Variants in DSC2 observed in about 807,000 individuals in gnomAD.
DSC2 encodes desmocollin-2.
DSC2 carries 51 observed loss-of-function variants against 87.6 expected under a neutral mutation model. The ratio of observed to expected loss-of-function variants is 0.58; its 90% CI spans 0.46 to 0.74. The LOEUF is 0.74. DSC2 is among the 30% of genes least tolerant of loss of function. The probability of loss-of-function intolerance (pLI) is 0.00; values close to 1 mark genes in which losing one functional copy is unlikely to be tolerated. For missense variants in DSC2, 1,066 were observed against 1,089.5 expected (o/e 0.98, Z 0.30); for synonymous variants, 383 against 393.2 (o/e 0.97, Z 0.31).
intron 1 of DSC2, among the ~76,000 whole-genome samples, chr18:31,099,442 T>C (rs1987863893): frequency 6.6e-6 from 1 of 152,206 alleles, no homozygotes; most frequent in Non-Finnish European, 1.5e-5. Context: ...GACATTGTGC[T>C]TATAATTAAC....
intron 14 of DSC2, among the ~76,000 whole-genome samples, chr18:31,069,717 A>G (rs1986763301): frequency 6.7e-6 from 1 of 150,274 alleles, no homozygotes; most frequent in East Asian, 1.9e-4. Context: ...CTTGTCTCAA[A>G]AAAAAAAAAA....
chr18:31,077,772 T>G (rs566818351), intron 11 of DSC2, among the ~76,000 whole-genome samples: 93 of 152,298 alleles, frequency 6.1e-4, no homozygotes, highest in East Asian at 3.9e-4. Flanking sequence ...ATGCTTTATG[T>G]GCATGATGCT....
intron 3 of DSC2, 91 bp from the exon 4 acceptor site, chr18:31,091,238 G>T: frequency 6.6e-7 from 1 of 1,524,332 alleles, no homozygotes; most frequent in South Asian, 1.2e-5. Context: ...CTCTCAGGAG[G>T]ATTAGCTGGG....
chr18:31,098,074 A>G (rs1313387261), intron 1 of DSC2, among the ~76,000 whole-genome samples: 1 of 151,944 alleles, frequency 6.6e-6, no homozygotes, highest in Admixed American at 6.6e-5. Context: ...TTTATCAATC[A>G]CCTTTTGACT....
Position 31,079,883 on chromosome 18 carries a change from C to T in DSC2, c.1627G>A (p.Gly543Ser), listed in dbSNP as rs1418248949. The T allele has an allele frequency of 1.2e-6, 2 of 1,613,820 alleles. No homozygotes were observed. Among genetic ancestry groups the T allele is most frequent in the Admixed American group, 3.3e-5 (2 of 59,976 alleles). ...GCAAGGACTGTAATATTATATATGC[C>T]ATTTTTGATGGTCTCTGCCTCTCTA... Reference protein sequence around the residue: ...LDREAETIKNGIYNITVLASD... With the variant: ...LDREAETIKNSIYNITVLASD... Residue 543 changes from glycine to serine, a missense_variant, in exon 11 of 16, where the codon GGC (glycine) becomes AGC (serine). Transcript: ENST00000280904.
At position 31,064,644 on chromosome 18, in the gene DSC2, AACAGGGGGCTC is replaced by A. The variant is rs1443056378; in HGVS notation, c.*3360_*3370del. On this transcript the variant is annotated 3_prime_UTR_variant, in exon 16 of 16. Coordinates refer to ENST00000280904, the MANE Select transcript of DSC2 (RefSeq NM_024422.6). ...TTGCATGAGTTTGAAGTGCTAGGTT[AACAGGGGGCTC>A]GCAGGGGAGCTGATATAAGAGCTGT... is the stretch of plus-strand genomic sequence containing the variant. 3 of 152,212 alleles carry A rather than the reference AACAGGGGGCTC, an allele frequency of 2.0e-5. No homozygotes were observed. Among genetic ancestry groups the A allele is most frequent in the Non-Finnish European group, 2.9e-5 (2 of 68,074 alleles). 9.4% of individuals were successfully genotyped at this position (152,212 alleles called of 1,614,324 possible). A position where few individuals can be genotyped will look rare whatever the true frequency, so the allele number is the denominator to read the frequency against.
chr18:31,068,582 G>C (rs530930752), intron 15 of DSC2, among the ~76,000 whole-genome samples: 53 of 152,180 alleles, frequency 3.5e-4, no homozygotes, highest in African/African-American at 1.3e-3. Context: ...TGCTGGTCTT[G>C]CTGGTACCAC....
chr18:31,085,865 A>T (rs1281757343), intron 7 of DSC2, among the ~76,000 whole-genome samples: 2 of 152,102 alleles, frequency 1.3e-5, no homozygotes, highest in Non-Finnish European at 2.9e-5. Flanking sequence ...TAGTTGAATA[A>T]CTAAGTGAAT....
At chr18:31,087,372 T>C (rs943230568) in intron 6 of DSC2, among the ~76,000 whole-genome samples, 16 of 152,308 alleles carry the variant, frequency 1.1e-4, no homozygotes, top group African/African-American at 3.1e-4. Flanking sequence ...CAGCATAACA[T>C]TTATTAACTC....
chr18:31,065,124 C>T lies in DSC2; in HGVS notation c.*2891G>A, dbSNP rs1323547379. 2.6e-5 allele frequency: 4 copies of T among 152,126 alleles called. No homozygotes were observed. Among genetic ancestry groups the T allele is most frequent in the Admixed American group, 2.0e-4 (3 of 15,262 alleles). The allele number at this position is 152,126 out of a possible 1,614,324, so 9.4% of individuals were successfully genotyped here. ...GCATCAAGATTTATCACACTGACTTCTGGCTAGGGATGAATAAGATGTAAC... is the reference window on the plus strand; with the variant it reads ...GCATCAAGATTTATCACACTGACTTTTGGCTAGGGATGAATAAGATGTAAC... On this transcript the variant is annotated 3_prime_UTR_variant, in exon 16 of 16. Coordinates refer to ENST00000280904, the MANE Select transcript of DSC2 (RefSeq NM_024422.6).
In DSC2 at chr18:31,080,342, T is replaced by C; in HGVS notation, c.1274A>G (p.Tyr425Cys). The C allele has an allele frequency of 1.2e-6, 2 of 1,613,936 alleles. No homozygotes were observed. Among genetic ancestry groups the C allele is most frequent in the Non-Finnish European group, 1.7e-6 (2 of 1,179,898 alleles). ...GVLCVVKPLN[Y>C]EEKQQMILQI... ...CAAGATCATCTGTTGCTTTTCTTCA[T>C]AATTCAAAGGCTACGAAAGCAAATG... is the stretch of plus-strand genomic sequence containing the variant. Residue 425 changes from tyrosine (Y) to cysteine (C), a missense_variant, in exon 10 of 16, where the codon TAT becomes TGT. Transcript: ENST00000280904.
chr18:31,068,844 A>C, intron 15 of DSC2, 50 bp downstream of exon 15: 1 of 1,605,134 alleles, frequency 6.2e-7, no homozygotes, highest in Non-Finnish European at 8.5e-7. Flanking sequence ...GTTATTTATA[A>C]AGTTTAAAGA....
At chr18:31,097,918 G>T (rs569142244) in intron 1 of DSC2, among the ~76,000 whole-genome samples, 3 of 149,000 alleles carry the variant, frequency 2.0e-5, no homozygotes, top group South Asian at 2.1e-4. Flanking sequence ...TTATGAGTGA[G>T]GTTGACATAT....
At chr18:31,069,218 C>A (rs1207134218) in intron 14 of DSC2, 67 bp from the exon 15 acceptor site, 8 of 1,597,614 alleles carry the variant, frequency 5.0e-6, no homozygotes, top group Non-Finnish European at 6.8e-6. Context: ...AAAAGAACAA[C>A]ATCAAGCGGA....
chr18:31,059,983 T>G lies in DSC2; in HGVS notation c.*8032A>C, dbSNP rs990114512. On this transcript the variant is annotated 3_prime_UTR_variant, in exon 16 of 16. Transcript: ENST00000280904. ...ATTTGATATGCTAGAAATTTGAGGT[T>G]TCTGTGATTTCCCAAGGTAACACAG... The G allele has an allele frequency of 1.3e-5, 2 of 152,172 alleles. No homozygotes were observed. Among genetic ancestry groups the G allele is most frequent in the African/African-American group, 4.8e-5 (2 of 41,446 alleles). 9.4% of individuals were successfully genotyped at this position (152,172 alleles called of 1,614,324 possible). A position where few individuals can be genotyped will look rare whatever the true frequency, so the allele number is the denominator to read the frequency against.
intron 3 of DSC2, 131 bp downstream of exon 3, chr18:31,091,969 AG>A: frequency 2.4e-6 from 2 of 841,216 alleles, no homozygotes. Context: ...AACACTGTGA[AG>A]TTGCCTCATG....
At chr18:31,095,222 G>C (rs1987726164) in intron 1 of DSC2, among the ~76,000 whole-genome samples, 1 of 152,200 alleles carries the variant, frequency 6.6e-6, no homozygotes, top group South Asian at 2.1e-4. Flanking sequence ...CCAGAGTAAA[G>C]ACCCTGGAAG....
rs1202147492 is a variant in DSC2 at position 31,059,888 on chromosome 18, T to C, written c.*8127A>G. Reference sequence around the variant, plus strand: ...AATAGTGATAGCTGCTGGTTATTGATATACTGATGAGCCAAGCAGTAAGCT... The same window carrying C: ...AATAGTGATAGCTGCTGGTTATTGACATACTGATGAGCCAAGCAGTAAGCT... On this transcript the variant is annotated 3_prime_UTR_variant, in exon 16 of 16. Transcript: ENST00000280904. 4 of 152,228 alleles carry C rather than the reference T, an allele frequency of 2.6e-5. No homozygotes were observed. Among genetic ancestry groups the C allele is most frequent in the African/African-American group, 4.8e-5 (2 of 41,474 alleles). 9.4% of individuals were successfully genotyped at this position (152,228 alleles called of 1,614,324 possible).
chr18:31,071,477 CAG>C (rs1986824185), intron 13 of DSC2, 126 bp downstream of exon 13: 4 of 815,114 alleles, frequency 4.9e-6, no homozygotes, highest in Non-Finnish European at 8.4e-6. Context: ...AATCCAGAGG[CAG>C]AGTCTGCAGT....
Sources: allele counts gnomAD v4.1 joint callset (sites outside exome capture counted in the v4.1 genomes callset), GRCh38; gene constraint gnomAD v4.1.1; transcripts MANE v1.5; gene names NCBI Gene and HGNC (gene_info 2026-07-23, HGNC 2026-07-21).